Variants in TAFA1 observed in about 807,000 individuals in gnomAD.
TAFA1 encodes the protein TAFA chemokine like family member 1.
A neutral mutation model predicts 18.5 loss-of-function variants in TAFA1; 4 were observed. That is an observed-to-expected ratio of 0.22 (90% CI 0.11 to 0.49). TAFA1 has a LOEUF of 0.49. Ranked by LOEUF, TAFA1 falls within the 20% of genes least tolerant of loss-of-function variation. TAFA1 has a pLI of 0.98. For missense variants in TAFA1, 147 were observed against 169.0 expected, an observed-to-expected ratio of 0.87 and a Z score of 0.72; for synonymous variants, 56 against 55.2, an observed-to-expected ratio of 1.01 and a Z score of -0.06.
chr3:68,336,943 C>G (rs1361357014), intron 2 of TAFA1, among the ~76,000 whole-genome samples: 1 of 151,918 alleles, frequency 6.6e-6, no homozygotes, highest in Non-Finnish European at 1.5e-5. Flanking sequence ...AGGCTGGTCT[C>G]AAACTCCTGA....
intron 2 of TAFA1, among the ~76,000 whole-genome samples, chr3:68,260,302 T>C (rs191105187): frequency 1.3e-5 from 2 of 152,278 alleles, no homozygotes; most frequent in Admixed American, 1.3e-4. Context: ...TTGATCATGG[T>C]GGATGAGCTT....
chr3:68,052,282 T>G (rs2064480497), intron 2 of TAFA1, among the ~76,000 whole-genome samples: 1 of 152,094 alleles, frequency 6.6e-6, no homozygotes, highest in Non-Finnish European at 1.5e-5. Flanking sequence ...CTAGAGAATT[T>G]TTATTAAACA....
chr3:68,216,396 A>T (rs566560507), intron 2 of TAFA1, among the ~76,000 whole-genome samples: 1 of 152,170 alleles, frequency 6.6e-6, no homozygotes, highest in African/African-American at 2.4e-5. Flanking sequence ...AATATATAAA[A>T]CACCTTCACT....
chr3:68,017,446 G>A (rs959030053), intron 2 of TAFA1, among the ~76,000 whole-genome samples: 56 of 152,192 alleles, frequency 3.7e-4, no homozygotes, highest in Non-Finnish European at 5.9e-5. Context: ...CTCACACAGA[G>A]CCTAGATGTG....
intron 2 of TAFA1, among the ~76,000 whole-genome samples, chr3:68,390,005 A>G (rs1256695020): frequency 2.0e-5 from 3 of 152,028 alleles, no homozygotes; most frequent in African/African-American, 7.2e-5. Context: ...GCCAGTGACA[A>G]CCGTTCACTC....
intron 2 of TAFA1, among the ~76,000 whole-genome samples, chr3:68,061,963 C>T (rs1013329946): frequency 2.6e-5 from 4 of 151,846 alleles, no homozygotes; most frequent in South Asian, 2.1e-4. Context: ...ATACCTCAAA[C>T]GATATGGTTT....
At chr3:68,170,507 G>A (rs2066039366) in intron 2 of TAFA1, among the ~76,000 whole-genome samples, 1 of 152,112 alleles carries the variant, frequency 6.6e-6, no homozygotes, top group Admixed American at 6.6e-5. Flanking sequence ...GGAAAAACTG[G>A]GATATGAGAT....
intron 3 of TAFA1, among the ~76,000 whole-genome samples, chr3:68,493,596 A>G (rs1234734378): frequency 6.6e-6 from 1 of 152,162 alleles, no homozygotes; most frequent in East Asian, 1.9e-4. Context: ...TTACATTCAC[A>G]CCAACAGTGA....
the TAFA1 span, among the ~76,000 whole-genome samples, chr3:67,997,778 T>C: frequency 6.6e-6 from 1 of 152,040 alleles, no homozygotes; most frequent in African/African-American, 2.4e-5. Flanking sequence ...TGTAGGATCC[T>C]ATAGAAAAAG....
At chr3:68,116,256 A>AAAAC (rs138208356) in intron 2 of TAFA1, among the ~76,000 whole-genome samples, 20 of 151,238 alleles carry the variant, frequency 1.3e-4, no homozygotes, top group East Asian at 5.9e-4. Context: ...TGCCGTCGCA[A>AAAAC]AAACAAACAA....
In TAFA1 at chr3:68,158,473, T is replaced by C. The variant is rs765835207; in HGVS notation, c.118+151729T>C. 2.0e-5 allele frequency among the ~76,000 whole-genome samples: 3 copies of C among 151,886 alleles called. No homozygotes were observed. The East Asian group carries it at 5.8e-4, about 29-fold the overall frequency. On this transcript the variant is annotated intron_variant, in intron 2 of 4. Transcript: ENST00000478136. ...TTCTCTTTATTGAATCTTGATGACA[T>C]AGATACTAGATACATTGTGGCCATT...
chr3:68,160,891 C>T (rs989699664), intron 2 of TAFA1, among the ~76,000 whole-genome samples: 1 of 152,116 alleles, frequency 6.6e-6, no homozygotes, highest in African/African-American at 2.4e-5. Context: ...GCCTTTCTGA[C>T]CATACACTCA....
rs138990264 is a variant in TAFA1 at position 68,199,816 on chromosome 3, C to T, written c.118+193072C>T. 2.0e-5 allele frequency among the ~76,000 whole-genome samples: 3 copies of T among 151,536 alleles called. No individual in the cohort carries two copies. The East Asian group carries it at 5.9e-4, about 30-fold the overall frequency. On this transcript the variant is annotated intron_variant, in intron 2 of 4. Coordinates refer to ENST00000478136, the MANE Select transcript of TAFA1 (RefSeq NM_213609.4). ...GAACAAAGAGTTTTATTTCTTCCTTCTCAATCAGTATACTTTGCTTTTCTT... is the reference window on the plus strand; with the variant it reads ...GAACAAAGAGTTTTATTTCTTCCTTTTCAATCAGTATACTTTGCTTTTCTT...
At chr3:68,234,606 G>A (rs1431609270) in intron 2 of TAFA1, among the ~76,000 whole-genome samples, 1 of 152,162 alleles carries the variant, frequency 6.6e-6, no homozygotes, top group Non-Finnish European at 1.5e-5. Context: ...TCATTCCCAA[G>A]TGACACTGCT....
At chr3:68,526,188 A>G (rs1225016761) in intron 3 of TAFA1, among the ~76,000 whole-genome samples, 1 of 152,190 alleles carries the variant, frequency 6.6e-6, no homozygotes, top group Non-Finnish European at 1.5e-5. Flanking sequence ...CATCAATGCC[A>G]AGAGCATCTC....
chr3:68,195,685 G>A (rs536543040), intron 2 of TAFA1, among the ~76,000 whole-genome samples: 13 of 151,764 alleles, frequency 8.6e-5, no homozygotes, highest in Admixed American at 3.9e-4. Flanking sequence ...TTAAGGCTGA[G>A]AAATCCTGTT....
At chr3:68,398,182 T>A (rs1054156535) in intron 2 of TAFA1, among the ~76,000 whole-genome samples, 3 of 152,126 alleles carry the variant, frequency 2.0e-5, no homozygotes, top group Non-Finnish European at 4.4e-5. Flanking sequence ...GCTACAAGGC[T>A]AAAGTAACCA....
chr3:68,069,476 G>C lies in TAFA1; in HGVS notation c.118+62732G>C, dbSNP rs114551020. On this transcript the variant is annotated intron_variant, in intron 2 of 4. Coordinates refer to ENST00000478136, the MANE Select transcript of TAFA1 (RefSeq NM_213609.4). ...CCCTCCCACAACACATGGGACTTGT[G>C]GGAGATACAGTTCAAGAGGACATTT... Among the ~76,000 whole-genome samples the C allele has an allele frequency of 9.4e-3, 1,430 of 152,182 alleles. 14 individuals carry two copies. The highest frequency in any genetic ancestry group is 0.017 in the Non-Finnish European group (1,124 of 67,984).
At chr3:68,231,166 CA>C (rs1361242869) in intron 2 of TAFA1, among the ~76,000 whole-genome samples, 1 of 152,028 alleles carries the variant, frequency 6.6e-6, no homozygotes, top group African/African-American at 2.4e-5. Context: ...CATAGAGATA[CA>C]AATTTTTGTA....
Sources: allele counts gnomAD v4.1 joint callset (sites outside exome capture counted in the v4.1 genomes callset), GRCh38; gene constraint gnomAD v4.1.1; transcripts MANE v1.5; gene names NCBI Gene and HGNC (gene_info 2026-07-23, HGNC 2026-07-21).